HPSE2: variants seen among roughly 807,000 people sequenced by gnomAD.
The protein encoded by HPSE2 is inactive heparanase-2.
In HPSE2, 38 loss-of-function variants were observed where a neutral mutation model predicts 60.5. That is an observed-to-expected ratio of 0.63 (90% CI 0.48 to 0.82). The LOEUF is 0.82. Ranked by LOEUF, HPSE2 falls within the 40% of genes least tolerant of loss-of-function variation. The pLI, the probability that HPSE2 is intolerant of heterozygous loss-of-function variation, is 0.00. For synonymous variants in HPSE2, 295 were observed against 293.2 expected (o/e 1.01, Z -0.06); for missense variants, 713 against 740.4 (o/e 0.96, Z 0.43).
At chr10:98,998,879 C>T (rs879654077) in intron 3 of HPSE2, among the ~76,000 whole-genome samples, 5 of 152,232 alleles carry the variant, frequency 3.3e-5, no homozygotes, top group Admixed American at 6.5e-5. Flanking sequence ...ACTAATGAGA[C>T]TCCAACCTTA....
chr10:98,620,552 G>T, intron 8 of HPSE2, 50 bp downstream of exon 8: 2 of 1,324,920 alleles, frequency 1.5e-6, no homozygotes, highest in Non-Finnish European at 2.2e-6. Context: ...GAGATTCACT[G>T]TCCTTCCCTC....
chr10:98,614,115 G>T (rs749867942), intron 9 of HPSE2, among the ~76,000 whole-genome samples: 2 of 152,086 alleles, frequency 1.3e-5, no homozygotes, highest in African/African-American at 2.4e-5. Context: ...TCAAGAGATG[G>T]GTTCCTAGTG....
At chr10:98,690,123 T>C (rs1948035703) in intron 6 of HPSE2, among the ~76,000 whole-genome samples, 4 of 152,252 alleles carry the variant, frequency 2.6e-5, no homozygotes, top group Admixed American at 2.6e-4. Context: ...TTGGAGTTCC[T>C]TCTTTTTGAG....
intron 3 of HPSE2, among the ~76,000 whole-genome samples, chr10:98,997,258 A>G (rs1199715994): frequency 1.3e-5 from 2 of 151,746 alleles, no homozygotes; most frequent in African/African-American, 2.4e-5. Flanking sequence ...GACTACAGGC[A>G]TATGCCACCA....
At position 98,459,680 on chromosome 10, in the gene HPSE2, A is replaced by C. The variant is rs1458992394; in HGVS notation, c.1673T>G (p.Leu558Trp). The change falls in exon 12 of 12, where the codon TTG becomes TGG. Residue 558 changes from leucine (L) to tryptophan (W), a missense_variant. Coordinates refer to ENST00000370552, the MANE Select transcript of HPSE2 (RefSeq NM_021828.5). ...GCCGGCCCGAAGGGGGCGGGGCTTC[A>C]ATTCTGGGAGGGTCCCGTCGTCCAC... The part of the protein sequence containing the change: ...VMVDDGTLPE[L>W]KPRPLRAGRT... The C allele has an allele frequency of 2.0e-5, 32 of 1,614,002 alleles. No individual in the cohort carries two copies. Among genetic ancestry groups the C allele is most frequent in the Non-Finnish European group, 2.7e-5 (32 of 1,180,030 alleles).
chr10:98,571,164 T>TC (rs1944482647), intron 9 of HPSE2, among the ~76,000 whole-genome samples: 1 of 152,210 alleles, frequency 6.6e-6, no homozygotes, highest in Non-Finnish European at 1.5e-5. Context: ...CTAATGTATG[T>TC]CAGTGCTTGG....
rs539505445 is a variant in HPSE2 at position 98,504,873 on chromosome 10, CTTTAT to C, written c.1321-14682_1321-14678del. ...TCTTTTCTTTGCCATTATTTCCTTA[CTTTAT>C]ATTTTACAGCTTTATCCACATATCT... is the stretch of plus-strand genomic sequence containing the variant. On this transcript the variant is annotated intron_variant, in intron 9 of 11. Transcript: ENST00000370552. Among the ~76,000 whole-genome samples the C allele has an allele frequency of 1.2e-3, 178 of 151,508 alleles. 1 individual carries two copies. Among genetic ancestry groups the C allele is most frequent in the African/African-American group, 4.0e-3 (167 of 41,354 alleles).
At chr10:98,615,645 T>C (rs1052137230) in intron 8 of HPSE2, among the ~76,000 whole-genome samples, 2 of 152,206 alleles carry the variant, frequency 1.3e-5, no homozygotes, top group African/African-American at 4.8e-5. Flanking sequence ...GTTCACATAC[T>C]TATCATCTAT....
chr10:98,987,224 G>A (rs1956385762), intron 3 of HPSE2, among the ~76,000 whole-genome samples: 1 of 152,084 alleles, frequency 6.6e-6, no homozygotes, highest in Non-Finnish European at 1.5e-5. Flanking sequence ...TATACCTAAT[G>A]AACATCGACG....
At chr10:98,486,842 C>T (rs1941458780) in intron 10 of HPSE2, among the ~76,000 whole-genome samples, 1 of 152,126 alleles carries the variant, frequency 6.6e-6, no homozygotes. Flanking sequence ...CCCTTAATTT[C>T]AAAGCCCCTG....
At chr10:99,217,777 G>GGT (rs1484099892) in intron 2 of HPSE2, among the ~76,000 whole-genome samples, 6 of 151,942 alleles carry the variant, frequency 3.9e-5, no homozygotes, top group Admixed American at 6.6e-5. Context: ...GTAGAGACGG[G>GGT]GTCCCCCTAT....
the HPSE2 span, among the ~76,000 whole-genome samples, chr10:99,290,100 T>G: frequency 6.6e-6 from 1 of 152,174 alleles, no homozygotes; most frequent in African/African-American, 2.4e-5. Flanking sequence ...TTGTTTAAAT[T>G]TTAAATTATG....
chr10:99,189,114 G>C (rs1211668247), intron 2 of HPSE2, among the ~76,000 whole-genome samples: 1 of 152,178 alleles, frequency 6.6e-6, no homozygotes, highest in African/African-American at 2.4e-5. Context: ...TAAGAAGACA[G>C]AGAACTCTTA....
At chr10:98,775,703 C>T (rs1950325756) in intron 3 of HPSE2, among the ~76,000 whole-genome samples, 1 of 152,112 alleles carries the variant, frequency 6.6e-6, no homozygotes, top group Admixed American at 6.6e-5. Context: ...GCTTTACCCC[C>T]TACCTATATA....
chr10:99,002,556 T>C lies in HPSE2; in HGVS notation c.610+141682A>G, dbSNP rs139914713. 3.2e-4 allele frequency among the ~76,000 whole-genome samples: 49 copies of C among 152,142 alleles called. 1 individual carries two copies. The highest frequency in any genetic ancestry group is 3.4e-3 in the Middle Eastern group (1 of 294). ...AATCTCATACAGACACCTTATAAAA[T>C]ACCTGACCAATATTCCTCAAAACTG... On this transcript the variant is annotated intron_variant, in intron 3 of 11. Coordinates refer to ENST00000370552, the MANE Select transcript of HPSE2 (RefSeq NM_021828.5).
intron 3 of HPSE2, among the ~76,000 whole-genome samples, chr10:99,101,634 C>A (rs1013455168): frequency 1.3e-5 from 2 of 152,194 alleles, no homozygotes; most frequent in Non-Finnish European, 2.9e-5. Context: ...CCAAGTGGAC[C>A]TAATAGACAT....
intron 3 of HPSE2, among the ~76,000 whole-genome samples, chr10:99,055,550 C>T (rs958658535): frequency 2.6e-5 from 4 of 151,992 alleles, no homozygotes; most frequent in Middle Eastern, 3.2e-3. Flanking sequence ...GAAAAAATAA[C>T]GGCCAAAAAT....
At chr10:99,045,635 A>C (rs1308769122) in intron 3 of HPSE2, among the ~76,000 whole-genome samples, 4 of 152,162 alleles carry the variant, frequency 2.6e-5, no homozygotes, top group Non-Finnish European at 4.4e-5. Context: ...AAGTACAATA[A>C]GAAAAGACAG....
At chr10:98,583,882 A>G (rs1944869573) in intron 9 of HPSE2, among the ~76,000 whole-genome samples, 1 of 152,130 alleles carries the variant, frequency 6.6e-6, no homozygotes, top group South Asian at 2.1e-4. Flanking sequence ...GACATACCAC[A>G]TTTCATTTAC....
Sources: gnomAD v4.1 joint callset for allele counts (sites outside exome capture counted in the v4.1 genomes callset) on GRCh38, gnomAD v4.1.1 for gene constraint, MANE v1.5 for transcripts, NCBI Gene and HGNC (gene_info 2026-07-23, HGNC 2026-07-21) for gene names.